The following UGT1A7 variants were observed in gnomAD, a reference collection of about 807,000 sequenced individuals.
UGT1A7 encodes UDP glucuronosyltransferase family 1 member A7, also known as UDP-glucuronosyltransferase 1A7.
Under a neutral mutation model 45.6 loss-of-function variants are expected in UGT1A7, and 33 were observed. The observed-to-expected ratio is 0.72, with a 90% confidence interval of 0.55 to 0.97. The LOEUF is 0.97. Among genes scored for constraint, UGT1A7 ranks in the 50% least tolerant of loss-of-function variants. The probability of loss-of-function intolerance (pLI) is 0.00; values close to 1 mark genes in which losing one functional copy is unlikely to be tolerated. For synonymous variants in UGT1A7, 274 were observed against 250.6 expected (o/e 1.09, Z -0.88); for missense variants, 684 against 666.2 (o/e 1.03, Z -0.29).
chr2:233,721,923 T>G, intron 1 of UGT1A7: 3 of 399,842 alleles, frequency 7.5e-6, no homozygotes, highest in South Asian at 5.8e-5. Flanking sequence ...TTCCATAAAG[T>G]GACATCCTTC....
At chr2:233,685,230 A>G (rs1312542401) in intron 1 of UGT1A7, among the ~76,000 whole-genome samples, 1 of 152,116 alleles carries the variant, frequency 6.6e-6, no homozygotes, top group Non-Finnish European at 1.5e-5. Flanking sequence ...ACGGGGTTTC[A>G]CCATGTTGGC....
At chr2:233,706,359 A>G (rs1575483588) in intron 1 of UGT1A7, among the ~76,000 whole-genome samples, 3 of 152,330 alleles carry the variant, frequency 2.0e-5, no homozygotes, top group Admixed American at 6.5e-5. Context: ...CATTCTTCCA[A>G]TTTAGGCCAT....
rs188435252 is a variant in UGT1A7 at position 233,751,450 on chromosome 2, T to A, written c.856-15584T>A. Among the ~76,000 whole-genome samples the A allele has an allele frequency of 9.0e-3, 1,372 of 152,108 alleles. 30 individuals carry two copies. The highest frequency in any genetic ancestry group is 0.031 in the African/African-American group (1,290 of 41,366). ...GAAATGAGTTAAGACTTTGGAAGAT[T>A]GTTGGGAAGGCACGATTGGTTTTGA... On this transcript the variant is annotated intron_variant, in intron 1 of 4. Coordinates refer to ENST00000373426, the MANE Select transcript of UGT1A7 (RefSeq NM_019077.3).
intron 1 of UGT1A7, among the ~76,000 whole-genome samples, chr2:233,763,057 G>T (rs920282385): frequency 6.6e-6 from 1 of 152,282 alleles, no homozygotes; most frequent in South Asian, 2.1e-4. Context: ...TATTGATTTA[G>T]ATAATTTCCT....
intron 1 of UGT1A7, chr2:233,730,086 CTTTCCAAATATTTCA>C: frequency 1.2e-6 from 2 of 1,600,798 alleles, no homozygotes; most frequent in Non-Finnish European, 1.7e-6. Flanking sequence ...ATTTACTTAT[CTTTCCAAATATTTCA>C]TTTCTGCTTC....
At chr2:233,703,003 G>T (rs1384511642) in intron 1 of UGT1A7, among the ~76,000 whole-genome samples, 1 of 152,110 alleles carries the variant, frequency 6.6e-6, no homozygotes, top group Non-Finnish European at 1.5e-5. Flanking sequence ...CTATTTTTTG[G>T]GAACAGTCTG....
intron 1 of UGT1A7, chr2:233,729,655 C>G (rs2077902514): frequency 6.2e-7 from 1 of 1,613,788 alleles, no homozygotes; most frequent in African/African-American, 1.3e-5. Flanking sequence ...GAGGAACATT[C>G]CATGTGATTT....
At chr2:233,761,241 A>G in intron 1 of UGT1A7, 1 of 1,611,640 alleles carries the variant, frequency 6.2e-7, no homozygotes, top group Non-Finnish European at 8.5e-7. Context: ...TATGCTGAGC[A>G]AGCATTCTGA....
intron 1 of UGT1A7, chr2:233,753,490 A>T (rs1695218587): frequency 6.6e-6 from 1 of 152,072 alleles, no homozygotes. Context: ...GCTGCTCTTA[A>T]TTTTTTTCAG....
chr2:233,738,553 G>C (rs890940493), intron 1 of UGT1A7, among the ~76,000 whole-genome samples: 2 of 152,228 alleles, frequency 1.3e-5, no homozygotes, highest in African/African-American at 2.4e-5. Context: ...CTCAGATAGA[G>C]ATGAGGAATC....
At chr2:233,754,114 G>C (rs1442882252) in intron 1 of UGT1A7, among the ~76,000 whole-genome samples, 2 of 152,128 alleles carry the variant, frequency 1.3e-5, no homozygotes, top group Non-Finnish European at 2.9e-5. Flanking sequence ...CCTACATCAC[G>C]AGCATTTATG....
chr2:233,706,605 TAAG>T (rs1165362415), intron 1 of UGT1A7, among the ~76,000 whole-genome samples: 1 of 152,152 alleles, frequency 6.6e-6, no homozygotes, highest in Non-Finnish European at 1.5e-5. Flanking sequence ...AAGTATGTGA[TAAG>T]AAGACTAGAG....
chr2:233,729,876 T>A, intron 1 of UGT1A7: 1 of 1,597,258 alleles, frequency 6.3e-7, no homozygotes, highest in South Asian at 1.1e-5. Context: ...ATATTCTCAG[T>A]CATGCATCTG....
At chr2:233,733,213 G>T (rs974647269) in intron 1 of UGT1A7, among the ~76,000 whole-genome samples, 1 of 152,158 alleles carries the variant, frequency 6.6e-6, no homozygotes, top group African/African-American at 2.4e-5. Flanking sequence ...TTTGGGCTGA[G>T]ACAATGGGGT....
chr2:233,754,758 C>T (rs1438461710), intron 1 of UGT1A7: 1 of 879,896 alleles, frequency 1.1e-6, no homozygotes, highest in Non-Finnish European at 1.7e-6. Context: ...GGAAGAAAGG[C>T]CCCCACTTCC....
intron 1 of UGT1A7, chr2:233,753,507 T>C (rs1224200791): frequency 6.6e-6 from 1 of 152,242 alleles, no homozygotes; most frequent in African/African-American, 2.4e-5. Context: ...TCAGCCTGTC[T>C]AGTTGTTGCC....
intron 1 of UGT1A7, among the ~76,000 whole-genome samples, chr2:233,703,976 C>T (rs542132657): frequency 9.2e-5 from 14 of 152,024 alleles, no homozygotes; most frequent in East Asian, 1.9e-4. Context: ...CTGCAACCTC[C>T]GCCTCCTGGG....
In UGT1A7 at chr2:233,719,346, A is replaced by T. The variant is rs45540231; in HGVS notation, c.855+36554A>T. 3.4e-3 allele frequency: 5,483 copies of T among 1,613,810 alleles called. 158 individuals are homozygous for T. The African/African-American group carries it at 0.064, about 19-fold the overall frequency. On this transcript the variant is annotated intron_variant, in intron 1 of 4. Transcript: ENST00000373426. ...TCCTGCTGTGTTTTTTTGGAGGTAC[A>T]TTCCATGTGACTTAGACTTTAAGGG...
intron 1 of UGT1A7, among the ~76,000 whole-genome samples, chr2:233,707,726 C>T (rs1259852102): frequency 6.6e-6 from 1 of 152,168 alleles, no homozygotes; most frequent in Non-Finnish European, 1.5e-5. Flanking sequence ...AACAATGTTA[C>T]AACGAACATT....
Sources: allele counts gnomAD v4.1 joint callset (sites outside exome capture counted in the v4.1 genomes callset), GRCh38; gene constraint gnomAD v4.1.1; transcripts MANE v1.5; gene names NCBI Gene and HGNC (gene_info 2026-07-23, HGNC 2026-07-21).